The following FAM171A1 variants were observed in gnomAD, a reference collection of about 807,000 sequenced individuals.
The protein encoded by FAM171A1 is family with sequence similarity 171 member A1.
Under a neutral mutation model 74.9 loss-of-function variants are expected in FAM171A1, and 23 were observed. That is an observed-to-expected ratio of 0.31 (90% confidence interval 0.22 to 0.44). FAM171A1 has a LOEUF of 0.44. Ranked by LOEUF, FAM171A1 falls within the 20% of genes least tolerant of loss-of-function variation. FAM171A1 has a pLI of 1.00. For missense variants in FAM171A1, 1,162 were observed against 1,159.2 expected, an observed-to-expected ratio of 1.00 and a Z score of -0.03; for synonymous variants, 527 against 505.7, an observed-to-expected ratio of 1.04 and a Z score of -0.57.
At chr10:15,236,316 T>C (rs1834289581) in intron 5 of FAM171A1, among the ~76,000 whole-genome samples, 1 of 150,334 alleles carries the variant, frequency 6.7e-6, no homozygotes, top group Non-Finnish European at 1.5e-5. Flanking sequence ...ACACTGCATA[T>C]GGGCTAAATA....
At chr10:15,351,784 T>C (rs56023651) in intron 1 of FAM171A1, among the ~76,000 whole-genome samples, 32,033 of 152,060 alleles carry the variant, frequency 0.21, 3,582 homozygotes, top group Non-Finnish European at 0.26. Flanking sequence ...CCAGGTGTGG[T>C]GGCTGATGCT....
intron 1 of FAM171A1, among the ~76,000 whole-genome samples, chr10:15,301,360 A>ATTT (rs201237307): frequency 2.9e-5 from 4 of 138,062 alleles, no homozygotes; most frequent in Non-Finnish European, 4.6e-5. Context: ...ATATATATAT[A>ATTT]TATTTTTTTT....
At chr10:15,233,537 T>TGTGTG (rs951340826) in intron 5 of FAM171A1, among the ~76,000 whole-genome samples, 4 of 151,270 alleles carry the variant, frequency 2.6e-5, no homozygotes, top group African/African-American at 9.7e-5. Flanking sequence ...TGTGTGTGTG[T>TGTGTG]GTGTGTGTGT....
Position 15,213,951 on chromosome 10 carries a change from TCTA to T in FAM171A1, c.1634_1636del (p.Val545del), listed in dbSNP as rs776002188. On this transcript the variant is annotated inframe_deletion, in exon 8 of 8. Coordinates refer to ENST00000378116, the MANE Select transcript of FAM171A1 (RefSeq NM_001010924.2). This position sits in a 1 kb window ranked among gnomAD's most constrained non-coding sequence, Gnocchi z 6.8. ...GAAGGACGTAGGTCTCTCGAGGTGA[TCTA>T]CTGATCGCGACATCATACATTCAGT... 18 of 1,614,154 alleles carry T rather than the reference TCTA, an allele frequency of 1.1e-5. No individual in the cohort carries two copies. The highest frequency in any genetic ancestry group is 1.5e-5 in the Non-Finnish European group (18 of 1,180,026).
At chr10:15,265,400 C>T (rs970316464) in intron 3 of FAM171A1, among the ~76,000 whole-genome samples, 13 of 151,054 alleles carry the variant, frequency 8.6e-5, no homozygotes, top group Admixed American at 7.2e-4. Flanking sequence ...GATCTTTGAG[C>T]GCAGGAGTTT....
intron 1 of FAM171A1, among the ~76,000 whole-genome samples, chr10:15,337,752 C>T (rs1483232640): frequency 6.6e-6 from 1 of 152,198 alleles, no homozygotes; most frequent in Admixed American, 6.5e-5. Context: ...AATTTGAGAA[C>T]AGCCTGGCCA....
chr10:15,260,526 C>T (rs1834642282), intron 3 of FAM171A1, among the ~76,000 whole-genome samples: 1 of 152,166 alleles, frequency 6.6e-6, no homozygotes, highest in African/African-American at 2.4e-5. Flanking sequence ...ACAGTGTCTC[C>T]TGGATAAGCA....
intron 1 of FAM171A1, among the ~76,000 whole-genome samples, chr10:15,341,685 C>T (rs915501869): frequency 3.3e-5 from 5 of 152,210 alleles, no homozygotes; most frequent in Admixed American, 1.3e-4. Context: ...ACCAGCTGTG[C>T]CAAAGTTATC....
chr10:15,274,276 C>CT (rs2131797853), intron 3 of FAM171A1, among the ~76,000 whole-genome samples: 1 of 152,212 alleles, frequency 6.6e-6, no homozygotes, highest in Non-Finnish European at 1.5e-5. Flanking sequence ...GAGTGAACTC[C>CT]CATTCACAAT....
At chr10:15,265,200 T>TG (rs1390483800) in intron 3 of FAM171A1, among the ~76,000 whole-genome samples, 1 of 152,154 alleles carries the variant, frequency 6.6e-6, no homozygotes, top group Non-Finnish European at 1.5e-5. Context: ...AATATGCTCA[T>TG]GCTTCTTGCT....
chr10:15,216,228 G>A (rs1833965177), intron 6 of FAM171A1, 118 bp from the exon 7 acceptor site: 1 of 612,652 alleles, frequency 1.6e-6, no homozygotes, highest in East Asian at 3.0e-5. Context: ...TAGAGCAGTG[G>A]CCAGAGGAAA....
intron 1 of FAM171A1, among the ~76,000 whole-genome samples, chr10:15,351,151 A>G (rs1037304294): frequency 6.6e-6 from 1 of 152,214 alleles, no homozygotes; most frequent in African/African-American, 2.4e-5. Flanking sequence ...GCAAGGACTG[A>G]GTCTTAATTC....
At position 15,277,255 on chromosome 10, in the gene FAM171A1, T is replaced by C. The variant is rs1173035280; in HGVS notation, c.326-1308A>G. 2.0e-5 allele frequency among the ~76,000 whole-genome samples: 3 copies of C among 152,336 alleles called. No individual in the cohort carries two copies. The Middle Eastern group carries it at 0.01, about 518-fold the overall frequency. On this transcript the variant is annotated intron_variant, in intron 2 of 7. Coordinates refer to ENST00000378116, the MANE Select transcript of FAM171A1 (RefSeq NM_001010924.2). ...TTTTTGAGACAGAGTTTCACTCTTG[T>C]TGCCCAGGCTGGAGTGCAATCGCGT...
At chr10:15,258,275 G>T (rs1188809644) in intron 3 of FAM171A1, among the ~76,000 whole-genome samples, 4 of 151,874 alleles carry the variant, frequency 2.6e-5, no homozygotes, top group African/African-American at 9.7e-5. Flanking sequence ...TGGCCAGGCT[G>T]GTCTCGATCT....
chr10:15,238,428 A>C (rs182600305), intron 5 of FAM171A1, among the ~76,000 whole-genome samples: 6 of 152,218 alleles, frequency 3.9e-5, no homozygotes, highest in Admixed American at 3.9e-4. Flanking sequence ...TATCACCCAA[A>C]GCTCATCATT....
intron 1 of FAM171A1, among the ~76,000 whole-genome samples, chr10:15,286,434 C>T (rs373425051): frequency 8.5e-5 from 13 of 152,218 alleles, no homozygotes; most frequent in African/African-American, 2.9e-4. Context: ...GTGCCCGCCA[C>T]GATGCCCCAC....
At position 15,212,578 on chromosome 10, in the gene FAM171A1, T is replaced by C. The variant is rs891527758; in HGVS notation, c.*337A>G. The C allele has an allele frequency of 5.4e-5, 16 of 294,800 alleles. No individual in the cohort carries two copies. The highest frequency in any genetic ancestry group is 3.3e-4 in the African/African-American group (15 of 44,918). 18.3% of individuals were successfully genotyped at this position (294,800 alleles called of 1,614,324 possible). On this transcript the variant is annotated 3_prime_UTR_variant, in exon 8 of 8. Transcript: ENST00000378116. ...CAAAAAGTTTCATCTGTTCCCAGAATCCGAGGGAGAACTGAGGTGATCGTT... is the reference window on the plus strand; with the variant it reads ...CAAAAAGTTTCATCTGTTCCCAGAACCCGAGGGAGAACTGAGGTGATCGTT...
At chr10:15,368,022 C>A (rs1036649716) in intron 1 of FAM171A1, among the ~76,000 whole-genome samples, 94 of 152,124 alleles carry the variant, frequency 6.2e-4, no homozygotes, top group Admixed American at 4.6e-4. Flanking sequence ...TGAAGAAAAT[C>A]AAAATGGGTC....
At chr10:15,236,285 C>CAAAAAAAAAAA in intron 5 of FAM171A1, among the ~76,000 whole-genome samples, 1 of 137,062 alleles carries the variant, frequency 7.3e-6, no homozygotes, top group Non-Finnish European at 1.6e-5. Context: ...ATCATGCTTC[C>CAAAAAAAAAAA]AAAAAAAAAA....
Sources: gnomAD v4.1 joint callset for allele counts (sites outside exome capture counted in the v4.1 genomes callset) on GRCh38, gnomAD v4.1.1 for gene constraint, Gnocchi (gnomAD v3.1) non-coding constraint, MANE v1.5 for transcripts, NCBI Gene and HGNC (gene_info 2026-07-23, HGNC 2026-07-21) for gene names.